The following GSE1 variants were observed in gnomAD, a reference collection of about 807,000 sequenced individuals.
GSE1 encodes Gse1 coiled-coil protein, also known as genetic suppressor element 1.
Under a neutral mutation model 112.6 loss-of-function variants are expected in GSE1, and 32 were observed. The ratio of observed to expected loss-of-function variants is 0.28; its 90% CI spans 0.21 to 0.38. The LOEUF is 0.38. Among genes scored for constraint, GSE1 ranks in the 10% least tolerant of loss-of-function variants. The probability of loss-of-function intolerance (pLI) is 1.00; values close to 1 mark genes in which losing one functional copy is unlikely to be tolerated. For missense variants in GSE1, 2,348 were observed against 1,699.2 expected (o/e 1.38, Z -6.71); for synonymous variants, 1,115 against 735.6 (o/e 1.52, Z -8.35).
chr16:85,631,574 C>T (rs972592139), intron 1 of GSE1, among the ~76,000 whole-genome samples: 3 of 152,208 alleles, frequency 2.0e-5, no homozygotes, highest in African/African-American at 7.2e-5. Flanking sequence ...CTTGGCTGGA[C>T]CCCCTGCCTG....
chr16:85,416,018 A>C (rs926978258), intron 2 of GSE1, among the ~76,000 whole-genome samples: 3 of 152,198 alleles, frequency 2.0e-5, no homozygotes, highest in African/African-American at 7.2e-5. Context: ...CACTGTGGGC[A>C]GGAGAATGCA....
At chr16:85,502,984 C>T (rs909356937) in intron 2 of GSE1, among the ~76,000 whole-genome samples, 2 of 152,036 alleles carry the variant, frequency 1.3e-5, no homozygotes, top group African/African-American at 4.8e-5. Flanking sequence ...GGCTGGAGGG[C>T]GATGAGGGTA....
intron 2 of GSE1, among the ~76,000 whole-genome samples, chr16:85,533,968 G>A (rs936171094): frequency 3.9e-5 from 6 of 152,146 alleles, no homozygotes; most frequent in African/African-American, 1.2e-4. Context: ...ATATGCGTAC[G>A]TCTGTGTAAC....
At chr16:85,607,406 GGCTCGGCGGC>G (rs1362469760), upstream of GSE1, among the ~76,000 whole-genome samples, 1 of 152,246 alleles carries the variant, frequency 6.6e-6, no homozygotes, top group Admixed American at 6.5e-5. Context: ...CATTCACCAG[GGCTCGGCGGC>G]GCTCACAAAG....
intron 2 of GSE1, among the ~76,000 whole-genome samples, chr16:85,534,983 G>A (rs911642671): frequency 2.0e-5 from 3 of 152,206 alleles, no homozygotes; most frequent in East Asian, 1.9e-4. Context: ...ATGTGTGCAC[G>A]GCATGGCAGC....
upstream of GSE1, among the ~76,000 whole-genome samples, chr16:85,612,677 G>C (rs1319134571): frequency 6.8e-6 from 1 of 148,108 alleles, no homozygotes; most frequent in African/African-American, 2.5e-5. Context: ...GCCTTTTCTA[G>C]TTGGGGTAAT....
intron 1 of GSE1, among the ~76,000 whole-genome samples, chr16:85,587,502 C>T (rs1371213068): frequency 2.0e-5 from 3 of 152,242 alleles, no homozygotes; most frequent in South Asian, 2.1e-4. Flanking sequence ...GGACACCGTG[C>T]ACCTGCTGGG....
Position 85,657,601 on chromosome 16 carries a change from C to T in GSE1, c.1637C>T (p.Thr546Ile). Reference protein sequence around the residue: ...AEAEHRPESTTRPGPNRHEPG... With the variant: ...AEAEHRPESTIRPGPNRHEPG... ...GCAGAGCACAGGCCGGAGAGCACCACCAGGTGAGTGAGCCCCAGGAAGGAA... is the reference window on the plus strand; with the variant it reads ...GCAGAGCACAGGCCGGAGAGCACCATCAGGTGAGTGAGCCCCAGGAAGGAA... The change falls in exon 8 of 16, where the codon ACC (threonine) becomes ATC (isoleucine). Residue 546 changes from threonine (T) to isoleucine (I), a missense_variant. Thr to Ile is a moderately conservative substitution (Grantham distance 89). Coordinates refer to ENST00000253458, the MANE Select transcript of GSE1 (RefSeq NM_014615.5). 6.6e-7 allele frequency: 1 copy of T among 1,514,484 alleles called. No homozygotes were observed. The highest frequency in any genetic ancestry group is 2.4e-5 in the East Asian group (1 of 42,514). 93.8% of individuals were successfully genotyped at this position (1,514,484 alleles called of 1,614,324 possible).
intron 2 of GSE1, among the ~76,000 whole-genome samples, chr16:85,452,326 C>G (rs2049709876): frequency 6.6e-6 from 1 of 152,218 alleles, no homozygotes; most frequent in Non-Finnish European, 1.5e-5. Context: ...CCAGTGGGCC[C>G]CGGTAATTAA....
At chr16:85,446,550 G>A (rs975487966) in intron 2 of GSE1, among the ~76,000 whole-genome samples, 8 of 152,174 alleles carry the variant, frequency 5.3e-5, no homozygotes, top group African/African-American at 1.9e-4. Context: ...TGCGATGACC[G>A]GGCTCATGTG....
chr16:85,258,410 C>G (rs980137837), intron 1 of GSE1, among the ~76,000 whole-genome samples: 2 of 152,212 alleles, frequency 1.3e-5, no homozygotes, highest in African/African-American at 2.4e-5. Context: ...CCCACTGATT[C>G]CTTCGTTCTT....
chr16:85,580,812 T>G (rs960340142), intron 1 of GSE1, among the ~76,000 whole-genome samples: 12 of 152,262 alleles, frequency 7.9e-5, no homozygotes, highest in Non-Finnish European at 1.6e-4. Flanking sequence ...CTCCGTCACG[T>G]GAGCTCTCGG....
intron 1 of GSE1, among the ~76,000 whole-genome samples, chr16:85,177,947 G>A (rs530509130): frequency 6.6e-6 from 1 of 152,240 alleles, no homozygotes; most frequent in South Asian, 2.1e-4. Flanking sequence ...TTGGAGAAGA[G>A]CACCCATATT....
chr16:85,467,480 G>A (rs906683530), intron 2 of GSE1, among the ~76,000 whole-genome samples: 3 of 152,188 alleles, frequency 2.0e-5, no homozygotes, highest in Non-Finnish European at 4.4e-5. Context: ...TGTATTAGAC[G>A]GGGGCTGGGT....
chr16:85,380,082 A>G (rs564714703), intron 2 of GSE1, among the ~76,000 whole-genome samples: 13 of 152,340 alleles, frequency 8.5e-5, no homozygotes, highest in African/African-American at 3.1e-4. Flanking sequence ...GATGGGCTAA[A>G]AGGGTCATAA....
chr16:85,593,581 C>A (rs1229690343), intron 1 of GSE1: 7 of 152,208 alleles, frequency 4.6e-5, no homozygotes, highest in Admixed American at 4.6e-4. Flanking sequence ...CCTCCCCAGC[C>A]CGGCCCCTTA....
intron 1 of GSE1, among the ~76,000 whole-genome samples, chr16:85,178,933 G>A (rs1036393539): frequency 2.6e-4 from 40 of 152,216 alleles, no homozygotes; most frequent in African/African-American, 9.2e-4. Context: ...GCGGGGACCC[G>A]TCAGGTGGGA....
At chr16:85,639,915 C>G (rs1193563792) in intron 2 of GSE1, among the ~76,000 whole-genome samples, 5 of 151,864 alleles carry the variant, frequency 3.3e-5, no homozygotes, top group Non-Finnish European at 7.4e-5. Flanking sequence ...TGCGTGTCCT[C>G]AGCTGCTCCA....
At chr16:85,253,055 C>A (rs1906656962) in intron 1 of GSE1, among the ~76,000 whole-genome samples, 1 of 61,822 alleles carries the variant, frequency 1.6e-5, no homozygotes, top group African/African-American at 7.3e-5. Flanking sequence ...CATAGGCGCC[C>A]CCGCCCCCCC....
Sources: allele counts gnomAD v4.1 joint callset (sites outside exome capture counted in the v4.1 genomes callset), GRCh38; gene constraint gnomAD v4.1.1; transcripts MANE v1.5; gene names NCBI Gene and HGNC (gene_info 2026-07-23, HGNC 2026-07-21).